The following PTPN3 variants were observed in gnomAD, a reference collection of about 807,000 sequenced individuals.
The protein encoded by PTPN3 is tyrosine-protein phosphatase non-receptor type 3.
A neutral mutation model predicts 132.7 loss-of-function variants in PTPN3; 96 were observed. The ratio of observed to expected loss-of-function variants is 0.72; its 90% confidence interval spans 0.61 to 0.86. The LOEUF (loss-of-function observed/expected upper bound fraction) is 0.86, where lower values mean the gene tolerates loss of function less well. Ranked by LOEUF, PTPN3 falls within the 40% of genes least tolerant of loss-of-function variation. The pLI, the probability that PTPN3 is intolerant of heterozygous loss-of-function variation, is 0.00. For synonymous variants in PTPN3, 398 were observed against 429.0 expected, an observed-to-expected ratio of 0.93 and a Z score of 0.89; for missense variants, 1,125 against 1,159.6, an observed-to-expected ratio of 0.97 and a Z score of 0.43.
At chr9:109,412,938 A>C in intron 14 of PTPN3, among the ~76,000 whole-genome samples, 1 of 139,880 alleles carries the variant, frequency 7.1e-6, no homozygotes, top group Non-Finnish European at 1.6e-5. Flanking sequence ...TTATGCCCTA[A>C]CCTATTTTTT....
At chr9:109,526,833 A>T in the PTPN3 span, among the ~76,000 whole-genome samples, 1 of 152,232 alleles carries the variant, frequency 6.6e-6, no homozygotes, top group Non-Finnish European at 1.5e-5. Context: ...GACAAAGGAA[A>T]TAGAATAGAG....
rs370298571 is a variant in PTPN3, at chr9:109,420,439, C to A, written c.1298G>T (p.Arg433Leu). 2 of 1,599,292 alleles carry A rather than the reference C, an allele frequency of 1.3e-6. No individual in the cohort carries two copies. Among genetic ancestry groups the A allele is most frequent in the African/African-American group, 2.7e-5 (2 of 74,626 alleles). ...QDSDSEVSQN[R>L]SPHQESLSEN... ...AGTTTCTTACTCTTGGTGCGGGCTT[C>A]GGTTCTGAGAAACTTCAGAATCGCT... The change falls in exon 14 of 26, where the codon CGA becomes CTA. Residue 433 changes from arginine to leucine, a missense_variant. By Grantham distance (102) the Arg-to-Leu change is moderately radical. Coordinates refer to ENST00000374541, the MANE Select transcript of PTPN3 (RefSeq NM_002829.4).
chr9:109,519,750 C>T, the PTPN3 span, among the ~76,000 whole-genome samples: 1 of 52,674 alleles, frequency 1.9e-5, no homozygotes, highest in Non-Finnish European at 3.6e-5. Context: ...GTGCTCCTTG[C>T]CAGGAACTGT....
chr9:109,393,198 T>A (rs1410461862), intron 19 of PTPN3, among the ~76,000 whole-genome samples: 1 of 152,198 alleles, frequency 6.6e-6, no homozygotes, highest in East Asian at 1.9e-4. Context: ...TTATATAGTA[T>A]CTATTTCCCC....
In PTPN3 at chr9:109,457,735, T is replaced by C. The variant is rs566131037; in HGVS notation, c.139-336A>G. Among the ~76,000 whole-genome samples the C allele has an allele frequency of 2.0e-5, 3 of 152,296 alleles. No homozygotes were observed. In the South Asian group the frequency reaches 6.2e-4, roughly 32 times the overall value. The stretch of plus-strand genomic sequence containing the variant: ...ACTCCCTGTGGCCTCCAGTGGATTA[T>C]CCACAATGAAATGCTAACCCCAGGG... On this transcript the variant is annotated intron_variant, in intron 2 of 25. Coordinates refer to ENST00000374541, the MANE Select transcript of PTPN3 (RefSeq NM_002829.4).
chr9:109,436,850 A>C, intron 9 of PTPN3, 33 bp downstream of exon 9: 1 of 1,581,088 alleles, frequency 6.3e-7, no homozygotes, highest in Non-Finnish European at 8.6e-7. Flanking sequence ...TAAAAACATA[A>C]TGTTTGAGCC....
intron 1 of PTPN3, among the ~76,000 whole-genome samples, chr9:109,497,162 CAG>C (rs1847706208): frequency 6.6e-6 from 1 of 152,150 alleles, no homozygotes; most frequent in Non-Finnish European, 1.5e-5. Context: ...CTCCTGGGCA[CAG>C]AGACAGGGTC....
chr9:109,450,252 A>T (rs1044366694), intron 5 of PTPN3: 2 of 985,212 alleles, frequency 2.0e-6, no homozygotes, highest in Admixed American at 6.1e-5. Context: ...CCTATTTGGT[A>T]TTGGAATCTC....
intron 7 of PTPN3, among the ~76,000 whole-genome samples, chr9:109,440,739 A>C (rs1481558050): frequency 6.6e-6 from 1 of 152,198 alleles, no homozygotes; most frequent in East Asian, 1.9e-4. Context: ...TAACAGTCCC[A>C]TCCCTGGTAT....
intron 1 of PTPN3, among the ~76,000 whole-genome samples, chr9:109,495,341 T>C (rs1173524374): frequency 2.6e-5 from 4 of 152,184 alleles, no homozygotes; most frequent in Non-Finnish European, 5.9e-5. Context: ...GACCACAAAT[T>C]GCTGGTCTTT....
In PTPN3 at chr9:109,433,922, A is replaced by ATT. The variant is rs1564437168; in HGVS notation, c.676-762_676-761insAA. On this transcript the variant is annotated intron_variant, in intron 9 of 25. Coordinates refer to ENST00000374541, the MANE Select transcript of PTPN3 (RefSeq NM_002829.4). ...AGCAGAGGGAGACTCTGTTTAAAAA[A>ATT]AAAAAAAAAAAAAAAAAAAAAGCGT... Among the ~76,000 whole-genome samples the ATT allele has an allele frequency of 7.4e-5, 11 of 149,498 alleles. 1 individual carries two copies. The highest frequency in any genetic ancestry group is 6.6e-5 in the Admixed American group (1 of 15,082).
At chr9:109,505,286 A>G in the PTPN3 span, among the ~76,000 whole-genome samples, 2 of 152,178 alleles carry the variant, frequency 1.3e-5, no homozygotes, top group African/African-American at 4.8e-5. Flanking sequence ...TATAGTAATT[A>G]TTTTGGTATA....
intron 1 of PTPN3, among the ~76,000 whole-genome samples, chr9:109,468,161 T>C (rs1307204832): frequency 6.6e-6 from 1 of 152,206 alleles, no homozygotes; most frequent in Non-Finnish European, 1.5e-5. Flanking sequence ...GCTTCCTTTA[T>C]AAGCCTCTTA....
intron 1 of PTPN3, among the ~76,000 whole-genome samples, chr9:109,470,940 G>GA (rs1389698688): frequency 3.9e-5 from 6 of 152,134 alleles, no homozygotes; most frequent in Non-Finnish European, 5.9e-5. Context: ...AAGGGCCCAG[G>GA]AAACTGCATT....
In PTPN3 at chr9:109,406,542, G is replaced by A. The variant is rs749839684; in HGVS notation, c.1712C>T (p.Thr571Met). ...GATGAACATCACCACTTGGTCATGCGTGTGTTCTGAGATGTCCCGGCCATT... is the reference window on the plus strand; with the variant it reads ...GATGAACATCACCACTTGGTCATGCATGTGTTCTGAGATGTCCCGGCCATT... ...LINGRDISEH[T>M]HDQVVMFIKA... Residue 571 changes from threonine to methionine, a missense_variant, in exon 18 of 26, where the codon ACG becomes ATG. Transcript: ENST00000374541. 4.3e-6 allele frequency: 7 copies of A among 1,614,040 alleles called. No homozygotes were observed. The highest frequency in any genetic ancestry group is 2.2e-5 in the East Asian group (1 of 44,886).
chr9:109,482,764 C>G (rs563100448), intron 1 of PTPN3, among the ~76,000 whole-genome samples: 89 of 152,334 alleles, frequency 5.8e-4, no homozygotes, highest in Non-Finnish European at 1.1e-3. Flanking sequence ...ACTCCTCCCC[C>G]AGAAACCAGC....
At chr9:109,399,706 C>T (rs1840906272) in intron 19 of PTPN3, among the ~76,000 whole-genome samples, 1 of 151,380 alleles carries the variant, frequency 6.6e-6, no homozygotes, top group African/African-American at 2.4e-5. Flanking sequence ...GAAACCAGCT[C>T]TCGCAGAAGG....
intron 5 of PTPN3, among the ~76,000 whole-genome samples, chr9:109,454,246 G>A (rs775373381): frequency 3.3e-5 from 5 of 152,128 alleles, no homozygotes; most frequent in Non-Finnish European, 5.9e-5. Flanking sequence ...GGAGAGGTAG[G>A]AGGTGGCAGA....
At chr9:109,535,782 C>T in the PTPN3 span, among the ~76,000 whole-genome samples, 1 of 152,220 alleles carries the variant, frequency 6.6e-6, no homozygotes, top group Non-Finnish European at 1.5e-5. Flanking sequence ...GCTGAGACTA[C>T]AGGTGTGAGC....
Sources: allele counts gnomAD v4.1 joint callset (sites outside exome capture counted in the v4.1 genomes callset), GRCh38; gene constraint gnomAD v4.1.1; transcripts MANE v1.5; gene names NCBI Gene and HGNC (gene_info 2026-07-23, HGNC 2026-07-21).